The following SAP130 variants were observed in gnomAD, a reference collection of about 807,000 sequenced individuals.
The protein encoded by SAP130 is Sin3A associated protein 130.
In SAP130, 16 loss-of-function variants were observed where a neutral mutation model predicts 103.2. The observed-to-expected ratio is 0.16, with a 90% CI of 0.10 to 0.24. The LOEUF (loss-of-function observed/expected upper bound fraction) is 0.24, where lower values mean the gene tolerates loss of function less well. Ranked by LOEUF, SAP130 falls within the 10% of genes least tolerant of loss-of-function variation. The probability of loss-of-function intolerance (pLI) is 1.00; values close to 1 mark genes in which losing one functional copy is unlikely to be tolerated. For synonymous variants in SAP130, 477 were observed against 497.0 expected, an observed-to-expected ratio of 0.96 and a Z score of 0.53; for missense variants, 990 against 1,359.7, an observed-to-expected ratio of 0.73 and a Z score of 4.28.
chr2:127,976,682 C>T (rs529038028), intron 15 of SAP130, among the ~76,000 whole-genome samples: 2 of 152,302 alleles, frequency 1.3e-5, no homozygotes, highest in African/African-American at 4.8e-5. Context: ...GAGGCCAAGG[C>T]GGGCGGTTCA....
chr2:128,014,313 C>T (rs1249238274), intron 5 of SAP130, among the ~76,000 whole-genome samples: 1 of 152,132 alleles, frequency 6.6e-6, no homozygotes, highest in African/African-American at 2.4e-5. Flanking sequence ...CAACCTCTGC[C>T]TCCCGAGCTC....
intron 11 of SAP130, among the ~76,000 whole-genome samples, chr2:127,994,525 G>A (rs1478714612): frequency 1.3e-5 from 2 of 152,220 alleles, no homozygotes; most frequent in African/African-American, 2.4e-5. Context: ...CTGGGAGGCA[G>A]GGATTGCAGT....
At chr2:128,008,396 C>T (rs931922266) in intron 7 of SAP130, among the ~76,000 whole-genome samples, 1 of 152,098 alleles carries the variant, frequency 6.6e-6, no homozygotes, top group Non-Finnish European at 1.5e-5. Context: ...GTCAGGATCT[C>T]GCTCTGTTGC....
intron 15 of SAP130, among the ~76,000 whole-genome samples, chr2:127,977,735 T>C (rs1681568429): frequency 6.6e-6 from 1 of 152,020 alleles, no homozygotes; most frequent in South Asian, 2.1e-4. Flanking sequence ...AGAAAGTGCA[T>C]ATAAGTTGGG....
intron 2 of SAP130, among the ~76,000 whole-genome samples, chr2:128,025,338 C>T (rs1451363835): frequency 6.6e-6 from 1 of 152,134 alleles, no homozygotes; most frequent in Non-Finnish European, 1.5e-5. Flanking sequence ...TTAGATATTG[C>T]CAAGTACTCC....
chr2:128,001,390 A>T (rs1026397223), intron 7 of SAP130, among the ~76,000 whole-genome samples: 2 of 152,216 alleles, frequency 1.3e-5, no homozygotes, highest in African/African-American at 4.8e-5. Context: ...AAATGCAAAG[A>T]ATCACTTCAG....
At chr2:128,022,171 G>A (rs915136180) in intron 2 of SAP130, among the ~76,000 whole-genome samples, 3 of 152,144 alleles carry the variant, frequency 2.0e-5, no homozygotes, top group Non-Finnish European at 4.4e-5. Context: ...CTATGGCATA[G>A]TCTTTTCTGG....
intron 5 of SAP130, 97 bp from the exon 6 acceptor site, chr2:128,013,251 G>A (rs1167299654): frequency 3.4e-6 from 4 of 1,190,094 alleles, no homozygotes; most frequent in South Asian, 3.4e-5. Context: ...TGTCAATATC[G>A]AGCTGAAGTA....
chr2:128,016,791 T>C (rs1051395119), intron 3 of SAP130, among the ~76,000 whole-genome samples: 1 of 152,142 alleles, frequency 6.6e-6, no homozygotes, highest in Non-Finnish European at 1.5e-5. Context: ...CAGTAAGAAG[T>C]AGAACTGGGA....
intron 14 of SAP130, among the ~76,000 whole-genome samples, chr2:127,979,814 A>T (rs1033091924): frequency 7.9e-5 from 12 of 152,188 alleles, no homozygotes; most frequent in Non-Finnish European, 1.3e-4. Context: ...AAAATTAGCC[A>T]AGAGCTGATA....
At chr2:127,967,852 G>A (rs1680769470) in intron 15 of SAP130, among the ~76,000 whole-genome samples, 1 of 152,090 alleles carries the variant, frequency 6.6e-6, no homozygotes, top group Non-Finnish European at 1.5e-5. Context: ...TTCTTCTCGA[G>A]GGCACATGGG....
chr2:127,941,749 C>T lies in SAP130; in HGVS notation c.*257G>A. The T allele has an allele frequency of 4.3e-6, 2 of 464,086 alleles. No homozygotes were observed. Among genetic ancestry groups the T allele is most frequent in the East Asian group, 4.4e-5 (1 of 22,640 alleles). 28.7% of individuals were successfully genotyped at this position (464,086 alleles called of 1,614,324 possible). On this transcript the variant is annotated 3_prime_UTR_variant, in exon 21 of 21. Transcript: ENST00000643581. ...TGTCATTGCTTCCAACTGGTGGACACTGATGCATCCGGAGTCACTTATGAC... is the reference window on the plus strand; with the variant it reads ...TGTCATTGCTTCCAACTGGTGGACATTGATGCATCCGGAGTCACTTATGAC...
chr2:127,969,709 A>C (rs1680927574), intron 15 of SAP130, among the ~76,000 whole-genome samples: 1 of 152,202 alleles, frequency 6.6e-6, no homozygotes, highest in Admixed American at 6.5e-5. Context: ...GCTTTGCTGG[A>C]AATCTTTGTT....
intron 2 of SAP130, among the ~76,000 whole-genome samples, chr2:128,025,561 C>T (rs1228433086): frequency 1.3e-5 from 2 of 152,184 alleles, no homozygotes; most frequent in Admixed American, 6.5e-5. Context: ...TAAGCACATA[C>T]AGACTTTTTT....
intron 14 of SAP130, among the ~76,000 whole-genome samples, chr2:127,983,481 TGA>T (rs1231816344): frequency 7.9e-5 from 12 of 152,140 alleles, no homozygotes; most frequent in Admixed American, 2.6e-4. Flanking sequence ...ACCTCCAGGC[TGA>T]GTGACAGTAG....
intron 10 of SAP130, 121 bp downstream of exon 10, chr2:127,999,616 GAAAA>G (rs67585632): frequency 7.5e-5 from 28 of 375,432 alleles, no homozygotes; most frequent in South Asian, 2.2e-4. Flanking sequence ...AAAAAGAAAA[GAAAA>G]AAAAAAAAAA....
At chr2:128,013,330 A>C (rs188232310) in intron 5 of SAP130, among the ~76,000 whole-genome samples, 176 bp from the exon 6 acceptor site, 11 of 152,292 alleles carry the variant, frequency 7.2e-5, no homozygotes, top group Admixed American at 2.0e-4. Context: ...ATTTAATAAT[A>C]ATTTATATTG....
chr2:128,016,982 A>G (rs564133074), intron 3 of SAP130, among the ~76,000 whole-genome samples: 1 of 152,326 alleles, frequency 6.6e-6, no homozygotes, highest in African/African-American at 2.4e-5. Context: ...CTTAAAGAAG[A>G]GTGCCACTCC....
In SAP130 at chr2:127,953,495, T is replaced by A. The variant is rs944586385; in HGVS notation, c.2422+1491A>T. ...GCTCTGCTCACACTCCCTGCTCTGC[T>A]CCAACAGCTCCCTGCCAACCCCAGC... On this transcript the variant is annotated intron_variant, in intron 16 of 20. Coordinates refer to ENST00000643581, the MANE Select transcript of SAP130 (RefSeq NM_001330301.2). This position sits in a 1 kb window ranked among gnomAD's most constrained non-coding sequence, Gnocchi z 4.0. Among the ~76,000 whole-genome samples the A allele has an allele frequency of 1.3e-5, 2 of 152,106 alleles. No individual in the cohort carries two copies. The highest frequency in any genetic ancestry group is 2.9e-5 in the Non-Finnish European group (2 of 67,988).
Sources: allele counts gnomAD v4.1 joint callset (sites outside exome capture counted in the v4.1 genomes callset), GRCh38; gene constraint gnomAD v4.1.1; non-coding constraint Gnocchi (gnomAD v3.1); transcripts MANE v1.5; gene names NCBI Gene and HGNC (gene_info 2026-07-23, HGNC 2026-07-21).